Variants in AFAP1 observed in about 807,000 individuals in gnomAD.
The protein encoded by AFAP1 is actin filament-associated protein 1.
Under a neutral mutation model 93.9 loss-of-function variants are expected in AFAP1, and 75 were observed. The observed-to-expected ratio is 0.80, with a 90% confidence interval of 0.66 to 0.97. The LOEUF (loss-of-function observed/expected upper bound fraction) is 0.97, where lower values mean the gene tolerates loss of function less well. Among genes scored for constraint, AFAP1 ranks in the 50% least tolerant of loss-of-function variants. The pLI is 0.00. For synonymous variants in AFAP1, 517 were observed against 430.7 expected (o/e 1.20, Z -2.48); for missense variants, 1,201 against 1,050.8 (o/e 1.14, Z -1.98).
intron 13 of AFAP1, among the ~76,000 whole-genome samples, chr4:7,779,742 A>G (rs1042707535): frequency 5.3e-5 from 8 of 152,192 alleles, no homozygotes; most frequent in Non-Finnish European, 1.2e-4. Context: ...ATTTAAAAAC[A>G]TAAAGAGATA....
chr4:7,823,848 T>C (rs894995425), intron 6 of AFAP1, among the ~76,000 whole-genome samples: 1 of 152,160 alleles, frequency 6.6e-6, no homozygotes, highest in African/African-American at 2.4e-5. Context: ...AGGCCCAGGA[T>C]CAACCTGGTG....
chr4:7,933,297 G>A lies in AFAP1; in HGVS notation c.-3+6359C>T, dbSNP rs146209254. On this transcript the variant is annotated intron_variant, in intron 1 of 17. Transcript: ENST00000420658. ...AGCCTTTAAGAGCACAGAACTGGCCGAGCACGGTGGCTCACGCCTGTAATC... is the reference window on the plus strand; with the variant it reads ...AGCCTTTAAGAGCACAGAACTGGCCAAGCACGGTGGCTCACGCCTGTAATC... Among the ~76,000 whole-genome samples, 427 of 152,040 alleles carry A rather than the reference G, an allele frequency of 2.8e-3. 2 individuals are homozygous for A. The highest frequency in any genetic ancestry group is 8.9e-3 in the African/African-American group (369 of 41,492).
chr4:7,775,085 G>A lies in AFAP1; in HGVS notation c.1898-182C>T, dbSNP rs114947256. 749 of 669,730 alleles carry A rather than the reference G, an allele frequency of 1.1e-3. 4 individuals are homozygous for A. In the African/African-American group the frequency reaches 0.012, roughly 11 times the overall value. 41.5% of individuals were successfully genotyped at this position (669,730 alleles called of 1,614,324 possible). A position where few individuals can be genotyped will look rare whatever the true frequency, so the allele number is the denominator to read the frequency against. ...GAGCTTGGGAGCTTGAGGCTGCAGT[G>A]AGCTGTGATCCTGCCACTGTGCTCC... On this transcript the variant is annotated intron_variant, in intron 14 of 17. Transcript: ENST00000420658.
At chr4:7,852,739 C>T (rs145275889) in intron 4 of AFAP1, among the ~76,000 whole-genome samples, 251 of 152,192 alleles carry the variant, frequency 1.6e-3, no homozygotes, top group African/African-American at 5.7e-3. Flanking sequence ...GGTGTGGAGA[C>T]GGAACCTGTT....
intron 12 of AFAP1, among the ~76,000 whole-genome samples, chr4:7,785,818 G>A (rs905301217): frequency 4.6e-5 from 7 of 152,006 alleles, no homozygotes; most frequent in African/African-American, 1.7e-4. Flanking sequence ...TGCACCTACG[G>A]TCCCAGCTAC....
intron 14 of AFAP1, 46 bp from the exon 15 acceptor site, chr4:7,774,949 C>G: frequency 6.3e-7 from 1 of 1,593,722 alleles, no homozygotes; most frequent in African/African-American, 1.4e-5. Context: ...GTTTACTAGC[C>G]TGGGAAATAT....
Position 7,774,760 on chromosome 4 carries a change from C to T in AFAP1, c.2041G>A (p.Ala681Thr), listed in dbSNP as rs1172154140. ...QLRKERKDLR[A>T]AIEVNAGRKP... is the part of the protein sequence containing the mutation. Reference sequence around the variant, plus strand: ...ATACCGGCGTTCACTTCAATAGCCGCTCGAAGGTCTTTTCTTTCCTTGCGG... The same window carrying T: ...ATACCGGCGTTCACTTCAATAGCCGTTCGAAGGTCTTTTCTTTCCTTGCGG... Residue 681 changes from alanine (A) to threonine (T), a missense_variant, in exon 15 of 18, where the codon GCG (alanine) becomes ACG (threonine). Transcript: ENST00000420658. The T allele has an allele frequency of 6.2e-7, 1 of 1,614,126 alleles. No individual in the cohort carries two copies. The highest frequency in any genetic ancestry group is 1.3e-5 in the African/African-American group (1 of 74,946).
chr4:7,838,551 G>A lies in AFAP1; in HGVS notation c.699C>T (p.Ser233=). The A allele has an allele frequency of 6.2e-7, 1 of 1,614,000 alleles. No individual in the cohort carries two copies. The highest frequency in any genetic ancestry group is 8.5e-7 in the Non-Finnish European group (1 of 1,179,944). ...GTDPLVLAVQ[S]KEQAEQWLKV... is the part of the protein sequence containing the mutation. ...TCAGCCACTGCTCGGCCTGTTCCTT[G>A]CTCTGGACGGCGAGAACAAGCGGGT... The change falls in exon 6 of 18, where the codon AGC becomes AGT. Residue 233 remains serine (S), a synonymous_variant. Coordinates refer to ENST00000420658, the MANE Select transcript of AFAP1 (RefSeq NM_001134647.2).
At chr4:7,894,695 C>A (rs2149210905) in intron 1 of AFAP1, among the ~76,000 whole-genome samples, 1 of 152,286 alleles carries the variant, frequency 6.6e-6, no homozygotes, top group South Asian at 2.1e-4. Flanking sequence ...TCTTCACCAG[C>A]CCTTCGCATC....
chr4:7,884,574 C>T (rs13145572), intron 1 of AFAP1, among the ~76,000 whole-genome samples: 1 of 152,040 alleles, frequency 6.6e-6, no homozygotes, highest in Non-Finnish European at 1.5e-5. Context: ...CAAATACACA[C>T]AGAAATATAA....
chr4:7,797,343 G>A (rs1011902574), intron 10 of AFAP1, among the ~76,000 whole-genome samples: 4 of 152,124 alleles, frequency 2.6e-5, no homozygotes, highest in Non-Finnish European at 4.4e-5. Flanking sequence ...GAGACTTAGA[G>A]GGGAAAAATG....
chr4:7,804,477 T>TG (rs771308151), intron 9 of AFAP1, among the ~76,000 whole-genome samples: 126,446 of 152,126 alleles, frequency 0.83, 52,812 homozygotes, highest in African/African-American at 0.91. Flanking sequence ...GGCAAGAGGA[T>TG]CATGCTAGAA....
chr4:7,790,960 G>A (rs1409861391), intron 11 of AFAP1, among the ~76,000 whole-genome samples: 5 of 152,192 alleles, frequency 3.3e-5, no homozygotes. Context: ...TGTGGCTTGA[G>A]TCCTAAAATG....
chr4:7,917,047 G>A (rs1427282213), intron 1 of AFAP1, among the ~76,000 whole-genome samples: 2 of 152,188 alleles, frequency 1.3e-5, no homozygotes, highest in Admixed American at 6.5e-5. Context: ...TGAGCAAGCA[G>A]CTTTGCTTCT....
At chr4:7,828,270 A>T (rs1487291443) in intron 6 of AFAP1, among the ~76,000 whole-genome samples, 1 of 152,216 alleles carries the variant, frequency 6.6e-6, no homozygotes, top group African/African-American at 2.4e-5. Context: ...CCGGCTGGCT[A>T]TGTGAACTTG....
Position 7,768,886 on chromosome 4 carries a change from C to A in AFAP1, c.2376G>T (p.Pro792=). 6.2e-7 allele frequency: 1 copy of A among 1,610,236 alleles called. No homozygotes were observed. Among genetic ancestry groups the A allele is most frequent in the Non-Finnish European group, 8.5e-7 (1 of 1,177,298 alleles). ...AAVLKKSQAA[P]GSSPCRGHVL... Reference sequence around the variant, plus strand: ...CATGCCCTCGGCAGGGGGAGCTGCCCGGGGCAGCCTGGCTCTTCTTCAAGA... The same window carrying A: ...CATGCCCTCGGCAGGGGGAGCTGCCAGGGGCAGCCTGGCTCTTCTTCAAGA... Residue 792 remains proline, a synonymous_variant, in exon 17 of 18, where the codon CCG becomes CCT. Transcript: ENST00000420658.
intron 15 of AFAP1, 117 bp from the exon 16 acceptor site, chr4:7,773,127 G>A (rs1176559042): frequency 1.8e-5 from 26 of 1,426,420 alleles, no homozygotes; most frequent in Non-Finnish European, 5.5e-6. Context: ...GAGCTCCCCT[G>A]ACTTAGGTCC....
At chr4:7,928,204 A>G (rs936791111) in intron 1 of AFAP1, among the ~76,000 whole-genome samples, 1 of 152,122 alleles carries the variant, frequency 6.6e-6, no homozygotes, top group East Asian at 1.9e-4. Flanking sequence ...CAGCCACCTG[A>G]GCTCTCTATT....
chr4:7,777,598 T>C (rs1716279111), intron 14 of AFAP1: 1 of 152,228 alleles, frequency 6.6e-6, no homozygotes, highest in Non-Finnish European at 1.5e-5. Flanking sequence ...CACCTGGGGC[T>C]AGCTGGCCTC....
Sources: gnomAD v4.1 joint callset for allele counts (sites outside exome capture counted in the v4.1 genomes callset) on GRCh38, gnomAD v4.1.1 for gene constraint, MANE v1.5 for transcripts, NCBI Gene and HGNC (gene_info 2026-07-23, HGNC 2026-07-21) for gene names.